Variants in HMGN3 observed in about 807,000 individuals in gnomAD.
HMGN3 encodes the protein high mobility group nucleosomal binding domain 3, also known as high mobility group nucleosome-binding domain-containing protein 3.
HMGN3 carries 6 observed loss-of-function variants against 18.8 expected under a neutral mutation model. The observed-to-expected ratio is 0.32, with a 90% confidence interval of 0.18 to 0.63. The LOEUF is 0.63. Ranked by LOEUF, HMGN3 falls within the 30% of genes least tolerant of loss-of-function variation. HMGN3 has a pLI of 0.79. For synonymous variants in HMGN3, 40 were observed against 36.5 expected (o/e 1.10, Z -0.35); for missense variants, 107 against 114.2 (o/e 0.94, Z 0.29).
chr6:79,213,703 A>C (rs1284941674), intron 2 of HMGN3, among the ~76,000 whole-genome samples: 2 of 152,178 alleles, frequency 1.3e-5, no homozygotes, highest in African/African-American at 2.4e-5. Context: ...TTTTGCTTTT[A>C]AATTATTTCT....
At chr6:79,215,940 T>G (rs1179596495) in intron 1 of HMGN3, among the ~76,000 whole-genome samples, 2 of 152,158 alleles carry the variant, frequency 1.3e-5, no homozygotes, top group Non-Finnish European at 2.9e-5. Context: ...TGAATAGAGC[T>G]CCTGTTAGAA....
At chr6:79,225,722 A>C (rs1357583065) in intron 1 of HMGN3, among the ~76,000 whole-genome samples, 1 of 152,218 alleles carries the variant, frequency 6.6e-6, no homozygotes, top group Non-Finnish European at 1.5e-5. Context: ...AATACTCTAA[A>C]CAATCAATAT....
chr6:79,232,318 T>C lies in HMGN3; in HGVS notation c.15+2228A>G, dbSNP rs539129547. ...GGATTCCATGAGGCTGCTCTAAGAC[T>C]TGACTGATAGATGGATGGCCATGAT... On this transcript the variant is annotated intron_variant, in intron 1 of 5. Coordinates refer to ENST00000344726, the Ensembl canonical transcript of HMGN3. 2.2e-4 allele frequency among the ~76,000 whole-genome samples: 33 copies of C among 152,312 alleles called. No homozygotes were observed. The South Asian group carries it at 6.8e-3, about 32-fold the overall frequency.
At chr6:79,212,648 T>G (rs1344299494) in intron 2 of HMGN3, among the ~76,000 whole-genome samples, 2 of 152,252 alleles carry the variant, frequency 1.3e-5, no homozygotes, top group Admixed American at 1.3e-4. Flanking sequence ...TATAATGTAT[T>G]ATTTTGGTTA....
intron 1 of HMGN3, among the ~76,000 whole-genome samples, chr6:79,225,394 C>T (rs1281085124): frequency 6.6e-6 from 1 of 152,126 alleles, no homozygotes; most frequent in African/African-American, 2.4e-5. Context: ...GGTAATCTAG[C>T]ACACCTAAAT....
intron 2 of HMGN3, among the ~76,000 whole-genome samples, chr6:79,208,857 T>TAAA (rs1776548731): frequency 6.6e-6 from 1 of 152,200 alleles, no homozygotes; most frequent in Admixed American, 6.5e-5. Flanking sequence ...GAAGATCAAC[T>TAAA]TAGGCTTTAT....
At chr6:79,217,447 GTACTGCT>G (rs1232931102) in intron 1 of HMGN3, among the ~76,000 whole-genome samples, 1 of 152,102 alleles carries the variant, frequency 6.6e-6, no homozygotes, top group Non-Finnish European at 1.5e-5. Context: ...AACTCAAAGG[GTACTGCT>G]TATGATCAAG....
At chr6:79,216,704 G>A (rs567221486) in intron 1 of HMGN3, among the ~76,000 whole-genome samples, 1 of 152,320 alleles carries the variant, frequency 6.6e-6, no homozygotes, top group East Asian at 1.9e-4. Flanking sequence ...TAGATCTTGT[G>A]TTAATCAGTC....
chr6:79,210,972 G>C (rs1660461052), intron 2 of HMGN3, among the ~76,000 whole-genome samples: 1 of 117,948 alleles, frequency 8.5e-6, no homozygotes, highest in Admixed American at 1.2e-4. Context: ...TTCAGGTCCA[G>C]TACAGGAGTT....
At chr6:79,229,027 T>C (rs1421902085) in intron 1 of HMGN3, among the ~76,000 whole-genome samples, 3 of 152,204 alleles carry the variant, frequency 2.0e-5, no homozygotes, top group Non-Finnish European at 4.4e-5. Context: ...GCTGAGGTAA[T>C]TGGATTTCTA....
intron 2 of HMGN3, among the ~76,000 whole-genome samples, chr6:79,209,776 A>G (rs1776595514): frequency 6.6e-6 from 1 of 152,224 alleles, no homozygotes. Context: ...CCATCTCCAC[A>G]TCTAAGAACT....
intron 2 of HMGN3, among the ~76,000 whole-genome samples, chr6:79,214,486 C>T (rs944495424): frequency 3.9e-5 from 6 of 152,202 alleles, no homozygotes; most frequent in Non-Finnish European, 7.3e-5. Context: ...CAGGCGTGAG[C>T]CACTGCGCCC....
At chr6:79,233,092 T>A (rs1027734322) in intron 1 of HMGN3, among the ~76,000 whole-genome samples, 4 of 152,218 alleles carry the variant, frequency 2.6e-5, no homozygotes, top group African/African-American at 9.6e-5. Flanking sequence ...TGGGTGAGAA[T>A]AAGACTTTGG....
intron 1 of HMGN3, among the ~76,000 whole-genome samples, chr6:79,233,448 G>A (rs1246055314): frequency 2.0e-5 from 3 of 152,136 alleles, no homozygotes; most frequent in Non-Finnish European, 2.9e-5. Context: ...TTAGTCCATG[G>A]TCTTTGATAA....
chr6:79,204,630 CT>C (rs1343849620), intron 3 of HMGN3, among the ~76,000 whole-genome samples: 1 of 152,230 alleles, frequency 6.6e-6, no homozygotes, highest in Non-Finnish European at 1.5e-5. Flanking sequence ...GGGTCTCCCC[CT>C]ATGGAGAAAA....
intron 1 of HMGN3, among the ~76,000 whole-genome samples, chr6:79,229,825 C>T (rs1362304853): frequency 6.6e-6 from 1 of 152,076 alleles, no homozygotes; most frequent in Non-Finnish European, 1.5e-5. Flanking sequence ...TTGCAGTGAG[C>T]TGAGATCGCG....
intron 2 of HMGN3, among the ~76,000 whole-genome samples, 181 bp from the exon 3 acceptor site, chr6:79,208,757 C>A (rs1776542912): frequency 6.6e-6 from 1 of 152,258 alleles, no homozygotes; most frequent in Non-Finnish European, 1.5e-5. Flanking sequence ...CGATGACACT[C>A]AAGAGGAAGT....
chr6:79,222,867 G>C (rs575713425), intron 1 of HMGN3, among the ~76,000 whole-genome samples: 1 of 152,206 alleles, frequency 6.6e-6, no homozygotes, highest in East Asian at 1.9e-4. Flanking sequence ...TATTGTTCAA[G>C]ATAAAAGTAG....
At chr6:79,223,521 CAA>C (rs1353896964) in intron 1 of HMGN3, among the ~76,000 whole-genome samples, 1 of 151,768 alleles carries the variant, frequency 6.6e-6, no homozygotes, top group Non-Finnish European at 1.5e-5. Flanking sequence ...AACAAACAAA[CAA>C]ACACACACAC....
Sources: allele counts gnomAD v4.1 joint callset (sites outside exome capture counted in the v4.1 genomes callset), GRCh38; gene constraint gnomAD v4.1.1; transcripts MANE v1.5; gene names NCBI Gene and HGNC (gene_info 2026-07-23, HGNC 2026-07-21).